Variants in SLC1A1 observed in about 807,000 individuals in gnomAD.
SLC1A1 encodes solute carrier family 1 member 1.
Under a neutral mutation model 53.3 loss-of-function variants are expected in SLC1A1, and 43 were observed. The ratio of observed to expected loss-of-function variants is 0.81; its 90% CI spans 0.63 to 1.04. The LOEUF (loss-of-function observed/expected upper bound fraction) is 1.04, where lower values mean the gene tolerates loss of function less well. Among genes scored for constraint, SLC1A1 ranks in the 50% least tolerant of loss-of-function variants. The probability of loss-of-function intolerance (pLI) is 0.00; values close to 1 mark genes in which losing one functional copy is unlikely to be tolerated. For missense variants in SLC1A1, 748 were observed against 664.9 expected, an observed-to-expected ratio of 1.12 and a Z score of -1.37; for synonymous variants, 307 against 243.2, an observed-to-expected ratio of 1.26 and a Z score of -2.44.
intron 1 of SLC1A1, among the ~76,000 whole-genome samples, chr9:4,504,187 A>G (rs559137221): frequency 6.6e-6 from 1 of 152,318 alleles, no homozygotes; most frequent in East Asian, 1.9e-4. Context: ...AGAAAATGGA[A>G]GATCCATCTC....
intron 2 of SLC1A1, among the ~76,000 whole-genome samples, chr9:4,547,153 G>A (rs1437107041): frequency 6.6e-6 from 1 of 152,148 alleles, no homozygotes; most frequent in Admixed American, 6.5e-5. Flanking sequence ...TTTTTTCTGG[G>A]AAGTATAGCC....
At position 4,576,056 on chromosome 9, in the gene SLC1A1, A is replaced by G; in HGVS notation, c.931A>G (p.Lys311Glu). 1 of 1,613,774 alleles carries G rather than the reference A, an allele frequency of 6.2e-7. No individual in the cohort carries two copies. Among genetic ancestry groups the G allele is most frequent in the Non-Finnish European group, 8.5e-7 (1 of 1,179,620 alleles). The change falls in exon 9 of 12, where the codon AAG becomes GAG. Residue 311 changes from lysine (K) to glutamate (E), a missense_variant. Lys to Glu is a moderately conservative substitution (Grantham distance 56). Coordinates refer to ENST00000262352, the MANE Select transcript of SLC1A1 (RefSeq NM_004170.6). ...LPLIYFIVVR[K>E]NPFRFAMGMA... ...GCTGATATATTTCATAGTCGTACGA[A>G]AGAACCCTTTCCGATTTGCCATGGG...
chr9:4,550,585 C>G (rs1215755371), intron 2 of SLC1A1, among the ~76,000 whole-genome samples: 1 of 152,096 alleles, frequency 6.6e-6, no homozygotes, highest in Non-Finnish European at 1.5e-5. Flanking sequence ...GCGATAGGGT[C>G]TTGATATATT....
chr9:4,517,688 C>A (rs1272350318), intron 1 of SLC1A1, among the ~76,000 whole-genome samples: 2 of 152,120 alleles, frequency 1.3e-5, no homozygotes, highest in Non-Finnish European at 2.9e-5. Context: ...AGCTTTTGTT[C>A]ACATTTTAAA....
intron 1 of SLC1A1, among the ~76,000 whole-genome samples, chr9:4,528,216 T>C (rs1816333329): frequency 6.6e-6 from 1 of 151,996 alleles, no homozygotes; most frequent in African/African-American, 2.4e-5. Flanking sequence ...CACCTCCCCT[T>C]CTCACAAGAA....
At chr9:4,565,588 G>A (rs1047472251) in intron 4 of SLC1A1, among the ~76,000 whole-genome samples, 8 of 152,166 alleles carry the variant, frequency 5.3e-5, no homozygotes, top group Admixed American at 4.6e-4. Flanking sequence ...TCATGATCAT[G>A]AGAATAGCAT....
intron 1 of SLC1A1, among the ~76,000 whole-genome samples, 194 bp from the exon 2 acceptor site, chr9:4,544,373 T>A (rs1817279492): frequency 6.6e-6 from 1 of 152,234 alleles, no homozygotes; most frequent in Non-Finnish European, 1.5e-5. Flanking sequence ...ACAGATTTAC[T>A]GAATAATGTG....
chr9:4,576,661 C>T lies in SLC1A1; in HGVS notation c.1091C>T (p.Thr364Ile), dbSNP rs1564062504. The T allele has an allele frequency of 3.7e-6, 6 of 1,613,948 alleles. No homozygotes were observed. Among genetic ancestry groups the T allele is most frequent in the Non-Finnish European group, 5.1e-6 (6 of 1,179,922 alleles). Reference sequence around the variant, plus strand: ...CGATTCGTGTTACCCGTTGGTGCAACAATCAACATGGATGGGACTGCGCTC... The same window carrying T: ...CGATTCGTGTTACCCGTTGGTGCAATAATCAACATGGATGGGACTGCGCTC... ...ITRFVLPVGA[T>I]INMDGTALYE... The change falls in exon 10 of 12, where the codon ACA becomes ATA. Residue 364 changes from threonine to isoleucine, a missense_variant. Transcript: ENST00000262352.
At chr9:4,557,171 A>C (rs1174613361) in intron 2 of SLC1A1, among the ~76,000 whole-genome samples, 1 of 152,214 alleles carries the variant, frequency 6.6e-6, no homozygotes, top group Non-Finnish European at 1.5e-5. Context: ...GTCATGTGGA[A>C]AGCTTCAAGT....
chr9:4,584,210 T>C (rs188017128), intron 11 of SLC1A1, among the ~76,000 whole-genome samples: 84 of 152,306 alleles, frequency 5.5e-4, no homozygotes, highest in African/African-American at 2.0e-3. Context: ...AAAACACAGA[T>C]TCACATTTCA....
chr9:4,494,156 T>C (rs1283603400), intron 1 of SLC1A1, among the ~76,000 whole-genome samples: 1 of 152,200 alleles, frequency 6.6e-6, no homozygotes, highest in Non-Finnish European at 1.5e-5. Flanking sequence ...ATTCTCTGCT[T>C]CCATAGAATG....
At position 4,576,767 on chromosome 9, in the gene SLC1A1, G is replaced by A. The variant is rs1378239949; in HGVS notation, c.1193+4G>A. 14 of 1,612,606 alleles carry A rather than the reference G, an allele frequency of 8.7e-6. No homozygotes were observed. The highest frequency in any genetic ancestry group is 1.1e-5 in the Non-Finnish European group (13 of 1,179,062). ...TTGGGCAGATCATCACCATCAGGTGGGGCATGGTGTCACATTCATTGTCAT... is the reference window on the plus strand; with the variant it reads ...TTGGGCAGATCATCACCATCAGGTGAGGCATGGTGTCACATTCATTGTCAT... On this transcript the variant is annotated splice_donor_region_variant and intron_variant, in intron 10 of 11. Transcript: ENST00000262352.
intron 1 of SLC1A1, among the ~76,000 whole-genome samples, chr9:4,507,122 C>G (rs578091518): frequency 1.3e-5 from 2 of 152,110 alleles, no homozygotes; most frequent in South Asian, 4.2e-4. Context: ...TAGTCCCAGC[C>G]ACTTGGGAGG....
At chr9:4,506,758 A>T (rs1398730519) in intron 1 of SLC1A1, among the ~76,000 whole-genome samples, 1 of 152,172 alleles carries the variant, frequency 6.6e-6, no homozygotes, top group Admixed American at 6.5e-5. Flanking sequence ...AAGCCTATTC[A>T]GGGCCCTGTG....
At chr9:4,581,837 G>C (rs1036180614) in intron 10 of SLC1A1, among the ~76,000 whole-genome samples, 12 of 152,142 alleles carry the variant, frequency 7.9e-5, no homozygotes, top group Non-Finnish European at 1.5e-4. Context: ...AAAAACTCTG[G>C]CCTGTGTTTG....
intron 1 of SLC1A1, 101 bp downstream of exon 1, chr9:4,490,871 C>T: frequency 1.0e-6 from 1 of 1,004,510 alleles, no homozygotes; most frequent in South Asian, 1.4e-5. Flanking sequence ...GCACTCCATG[C>T]AGGGTCCCTC....
chr9:4,549,263 T>A lies in SLC1A1; in HGVS notation c.232+4556T>A, dbSNP rs1372471007. 6.6e-6 allele frequency among the ~76,000 whole-genome samples: 1 copy of A among 152,114 alleles called. No homozygotes were observed. Among genetic ancestry groups the A allele is most frequent in the Non-Finnish European group, 1.5e-5 (1 of 67,996 alleles). On this transcript the variant is annotated intron_variant, in intron 2 of 11. Transcript: ENST00000262352. The surrounding 1 kb of genome is among the most constrained non-coding windows in gnomAD (Gnocchi z 4.1). ...CCACCCCCGCCTGGGCCAGAAGCAC[T>A]CCAGTGGGCACAGCTGCGCCTCCTG...
chr9:4,498,553 T>A (rs1252108162), intron 1 of SLC1A1, among the ~76,000 whole-genome samples: 3 of 151,844 alleles, frequency 2.0e-5, no homozygotes, highest in Non-Finnish European at 4.4e-5. Flanking sequence ...AAAAAAAGCA[T>A]AGTTATTCAT....
chr9:4,531,776 C>T (rs1373987191), intron 1 of SLC1A1, among the ~76,000 whole-genome samples: 2 of 152,166 alleles, frequency 1.3e-5, no homozygotes, highest in Non-Finnish European at 2.9e-5. Flanking sequence ...GGTCCCTGAC[C>T]CCCGAGTAGC....
Sources: gnomAD v4.1 joint callset for allele counts (sites outside exome capture counted in the v4.1 genomes callset) on GRCh38, gnomAD v4.1.1 for gene constraint, Gnocchi (gnomAD v3.1) non-coding constraint, MANE v1.5 for transcripts, NCBI Gene and HGNC (gene_info 2026-07-23, HGNC 2026-07-21) for gene names.